RHD: variants seen among roughly 807,000 people sequenced by gnomAD.
RHD encodes Rh blood group D antigen, also known as blood group Rh(D) polypeptide.
RHD carries 16 observed loss-of-function variants against 45.5 expected under a neutral mutation model. The ratio of observed to expected loss-of-function variants is 0.35; its 90% CI spans 0.24 to 0.53. The LOEUF (loss-of-function observed/expected upper bound fraction) is 0.53, where lower values mean the gene tolerates loss of function less well. Among genes scored for constraint, RHD ranks in the 20% least tolerant of loss-of-function variants. The pLI is 0.92. For missense variants in RHD, 306 were observed against 532.0 expected (o/e 0.58, Z 4.18); for synonymous variants, 131 against 217.5 (o/e 0.60, Z 3.50).
intron 7 of RHD, among the ~76,000 whole-genome samples, chr1:25,309,182 G>C (rs1334367621): frequency 7.6e-6 from 1 of 132,200 alleles, no homozygotes; most frequent in Non-Finnish European, 1.8e-5. Flanking sequence ...ATGTGATTGA[G>C]TCAGATGCTG....
intron 2 of RHD, among the ~76,000 whole-genome samples, chr1:25,288,631 G>A (rs1341667935): frequency 7.9e-6 from 1 of 127,348 alleles, no homozygotes; most frequent in East Asian, 2.0e-4. Flanking sequence ...CCTTATAAAT[G>A]GAGGCACCAA....
chr1:25,276,532 T>TAAAAAAAAAAAAAAAAAAAAAAAAAAA (rs557746335), intron 1 of RHD, among the ~76,000 whole-genome samples: 10 of 64,784 alleles, frequency 1.5e-4, no homozygotes, highest in African/African-American at 7.2e-4. Context: ...CCCCCATCTC[T>TAAAAAAAAAAAAAAAAAAAAAAAAAAA]AAAAAAAAAA....
intron 7 of RHD, among the ~76,000 whole-genome samples, chr1:25,314,734 G>A (rs1395873227): frequency 1.5e-5 from 2 of 131,320 alleles, no homozygotes; most frequent in African/African-American, 2.6e-5. Context: ...TTGGACTCCT[G>A]GCCTCAACTT....
intron 7 of RHD, among the ~76,000 whole-genome samples, chr1:25,312,803 C>T (rs1644216063): frequency 8.5e-6 from 1 of 118,200 alleles, no homozygotes; most frequent in East Asian, 2.0e-4. Context: ...ATCTGTAGTC[C>T]TAGCTACTCA....
intron 1 of RHD, among the ~76,000 whole-genome samples, chr1:25,279,411 A>ACAACCT (rs1641285434): frequency 8.7e-6 from 1 of 114,820 alleles, no homozygotes; most frequent in African/African-American, 3.0e-5. Flanking sequence ...AACCTGATTG[A>ACAACCT]GAGACCCACA....
At chr1:25,313,994 G>T (rs1401293209) in intron 7 of RHD, among the ~76,000 whole-genome samples, 2 of 132,678 alleles carry the variant, frequency 1.5e-5, no homozygotes, top group Admixed American at 7.3e-5. Context: ...GGAGGATTTG[G>T]GTAGTTTCCA....
chr1:25,305,309 G>A lies in RHD; in HGVS notation c.940-1287G>A, dbSNP rs1643713794. On this transcript the variant is annotated intron_variant, in intron 6 of 9. Transcript: ENST00000328664. ...CATAGGGTCCACCCAGGAGCATGGTGGACCCAGATCCCTGAAAGATGGGAG... is the reference window on the plus strand; with the variant it reads ...CATAGGGTCCACCCAGGAGCATGGTAGACCCAGATCCCTGAAAGATGGGAG... Among the ~76,000 whole-genome samples the A allele has an allele frequency of 2.3e-5, 3 of 132,284 alleles. 1 individual carries two copies. In the South Asian group the frequency reaches 6.9e-4, roughly 30 times the overall value. 86.8% of individuals were successfully genotyped at this position (132,284 alleles called of 152,430 possible). A position where few individuals can be genotyped will look rare whatever the true frequency, so the allele number is the denominator to read the frequency against.
intron 7 of RHD, among the ~76,000 whole-genome samples, chr1:25,310,518 C>T (rs1279164527): frequency 1.5e-5 from 2 of 130,904 alleles, no homozygotes; most frequent in Non-Finnish European, 3.6e-5. Flanking sequence ...GATATTTTGT[C>T]ATAGCAACAG....
rs779612830 is a variant in RHD, at chr1:25,284,603, T to C, written c.179T>C (p.Ile60Thr). The C allele has an allele frequency of 8.6e-6, 12 of 1,389,230 alleles. No individual in the cohort carries two copies. In the East Asian group the frequency reaches 2.0e-4, roughly 23 times the overall value. 86.1% of individuals were successfully genotyped at this position (1,389,230 alleles called of 1,614,324 possible). The stretch of plus-strand genomic sequence containing the variant: ...CAAGATCTGACCGTGATGGCGGCCA[T>C]TGGCTTGGGCTTCCTCACCTCGAGT... ...VGQDLTVMAA[I>T]GLGFLTSSFR... is the part of the protein sequence containing the mutation. The change falls in exon 2 of 10, where the codon ATT becomes ACT. Residue 60 changes from isoleucine (I) to threonine (T), a missense_variant. Physicochemically the swap from Ile to Thr is moderately conservative, Grantham distance 89 (BLOSUM62 -1). Coordinates refer to ENST00000328664, the MANE Select transcript of RHD (RefSeq NM_016124.6).
chr1:25,302,249 C>A (rs541013633), intron 5 of RHD, among the ~76,000 whole-genome samples: 1 of 129,306 alleles, frequency 7.7e-6, no homozygotes, highest in East Asian at 2.0e-4. Context: ...TAAAGAGAGA[C>A]GATGGTGTGT....
intron 6 of RHD, chr1:25,304,331 G>A (rs561392922): frequency 8.4e-6 from 1 of 118,764 alleles, no homozygotes; most frequent in African/African-American, 2.9e-5. Context: ...GGAAAAACTG[G>A]CTGGGCGCAG....
In RHD at chr1:25,273,681, C is replaced by T. The variant is rs567339332; in HGVS notation, c.148+986C>T. Among the ~76,000 whole-genome samples the T allele has an allele frequency of 2.7e-3, 320 of 118,522 alleles. 38 individuals carry two copies. Among genetic ancestry groups the T allele is most frequent in the African/African-American group, 6.6e-3 (230 of 35,092 alleles). 77.8% of individuals were successfully genotyped at this position (118,522 alleles called of 152,430 possible). On this transcript the variant is annotated intron_variant, in intron 1 of 9. Coordinates refer to ENST00000328664, the MANE Select transcript of RHD (RefSeq NM_016124.6). ...GACAACTGTAAATAAGACAGATGTC[C>T]ACAATGGTGTGACTTTGCTTTTTTA... is the stretch of plus-strand genomic sequence containing the variant.
chr1:25,321,613 T>G (rs578175977), intron 8 of RHD, among the ~76,000 whole-genome samples: 1 of 125,520 alleles, frequency 8.0e-6, no homozygotes, highest in East Asian at 2.0e-4. Context: ...GAGGCTGCAG[T>G]GAGCCGAGAT....
In RHD at chr1:25,274,921, C is replaced by G. The variant is rs1350627657; in HGVS notation, c.148+2226C>G. Among the ~76,000 whole-genome samples, 2 of 131,452 alleles carry G rather than the reference C, an allele frequency of 1.5e-5. 1 individual carries two copies. Among genetic ancestry groups the G allele is most frequent in the Admixed American group, 1.5e-4 (2 of 13,446 alleles). 86.2% of individuals were successfully genotyped at this position (131,452 alleles called of 152,430 possible). A position where few individuals can be genotyped will look rare whatever the true frequency, so the allele number is the denominator to read the frequency against. ...ACTTGGGAGGCCATTACACTCCAGC[C>G]TGGGCGCCAGAGTGAGACTTCATCT... On this transcript the variant is annotated intron_variant, in intron 1 of 9. Coordinates refer to ENST00000328664, the MANE Select transcript of RHD (RefSeq NM_016124.6).
intron 7 of RHD, among the ~76,000 whole-genome samples, chr1:25,308,156 T>G (rs1200335921): frequency 8.4e-6 from 1 of 119,758 alleles, no homozygotes; most frequent in Non-Finnish European, 2.0e-5. Flanking sequence ...AAATCTAGAG[T>G]TTTGCATGTG....
chr1:25,287,166 C>T (rs552024186), intron 2 of RHD, among the ~76,000 whole-genome samples: 4 of 134,496 alleles, frequency 3.0e-5, no homozygotes, highest in African/African-American at 1.0e-4. Flanking sequence ...CACACATGCA[C>T]GCATACACAC....
chr1:25,290,544 G>T lies in RHD; in HGVS notation c.336-97G>T, dbSNP rs1642398307. ...CCACAGAAAGTAGGTGCCCAACAGT[G>T]TTTGTTGAAAGAATGAATGAATGAA... On this transcript the variant is annotated intron_variant, in intron 2 of 9. Coordinates refer to ENST00000328664, the MANE Select transcript of RHD (RefSeq NM_016124.6). The T allele has an allele frequency of 8.4e-6, 9 of 1,076,656 alleles. 1 individual carries two copies. The highest frequency in any genetic ancestry group is 7.5e-5 in the Admixed American group (4 of 53,028). The allele number at this position is 1,076,656 out of a possible 1,614,324, so 66.7% of individuals were successfully genotyped here.
Position 25,283,503 on chromosome 1 carries a change from C to T in RHD, c.149-1070C>T, listed in dbSNP as rs1379945790. ...CCAAGATCTTGCCACTGTACTCCAG[C>T]CTGGGTGACGAGTGAAACTCTATCT... On this transcript the variant is annotated intron_variant, in intron 1 of 9. Transcript: ENST00000328664. Among the ~76,000 whole-genome samples, 22 of 126,684 alleles carry T rather than the reference C, an allele frequency of 1.7e-4. 4 individuals are homozygous for T. The highest frequency in any genetic ancestry group is 3.6e-5 in the Non-Finnish European group (2 of 55,080). The allele number at this position is 126,684 out of a possible 152,430, so 83.1% of individuals were successfully genotyped here. A position where few individuals can be genotyped will look rare whatever the true frequency, so the allele number is the denominator to read the frequency against.
At chr1:25,319,450 A>G (rs1318880762) in intron 8 of RHD, among the ~76,000 whole-genome samples, 4 of 131,480 alleles carry the variant, frequency 3.0e-5, no homozygotes, top group African/African-American at 1.0e-4. Flanking sequence ...ATCTCTACAA[A>G]AGATACAAAA....
Sources: gnomAD v4.1 joint callset for allele counts (sites outside exome capture counted in the v4.1 genomes callset) on GRCh38, gnomAD v4.1.1 for gene constraint, MANE v1.5 for transcripts, NCBI Gene and HGNC (gene_info 2026-07-23, HGNC 2026-07-21) for gene names.